KCNJ6: variants seen among roughly 807,000 people sequenced by gnomAD.
KCNJ6 encodes the protein G protein-activated inward rectifier potassium channel 2.
KCNJ6 carries 9 observed loss-of-function variants against 34.2 expected under a neutral mutation model. That is an observed-to-expected ratio of 0.26 (90% CI 0.16 to 0.46). KCNJ6 has a LOEUF of 0.46. KCNJ6 is among the 20% of genes least tolerant of loss of function. KCNJ6 has a pLI of 1.00. For missense variants in KCNJ6, 236 were observed against 531.3 expected (o/e 0.44, Z 5.46); for synonymous variants, 196 against 207.1 (o/e 0.95, Z 0.46).
At chr21:37,866,944 C>A (rs1168532600) in intron 1 of KCNJ6, among the ~76,000 whole-genome samples, 1 of 152,216 alleles carries the variant, frequency 6.6e-6, no homozygotes, top group African/African-American at 2.4e-5. Context: ...TTTTTACAAT[C>A]TCTAAATTGT....
chr21:37,654,105 GTTTTT>G (rs537326162), intron 3 of KCNJ6, among the ~76,000 whole-genome samples: 19 of 122,738 alleles, frequency 1.5e-4, no homozygotes, highest in African/African-American at 4.5e-4. Context: ...CACTTTGTGG[GTTTTT>G]TTTTTTTTTT....
At chr21:37,664,870 C>T (rs1330394809) in intron 3 of KCNJ6, among the ~76,000 whole-genome samples, 2 of 145,274 alleles carry the variant, frequency 1.4e-5, no homozygotes, top group Admixed American at 7.2e-5. Flanking sequence ...AATCTTGGCT[C>T]ACTGCAAGCT....
At position 37,905,386 on chromosome 21, in the gene KCNJ6, G is replaced by A. The variant is rs575609457; in HGVS notation, c.-28+10498C>T. Reference sequence around the variant, plus strand: ...AGCTCATGTACCATGCCGATGCGTGGCGCTCTGATTTCCATGGTGTGGTAG... The same window carrying A: ...AGCTCATGTACCATGCCGATGCGTGACGCTCTGATTTCCATGGTGTGGTAG... On this transcript the variant is annotated intron_variant, in intron 1 of 3. Coordinates refer to ENST00000609713, the MANE Select transcript of KCNJ6 (RefSeq NM_002240.5). 2.6e-5 allele frequency among the ~76,000 whole-genome samples: 4 copies of A among 152,264 alleles called. No individual in the cohort carries two copies. The East Asian group carries it at 7.7e-4, about 29-fold the overall frequency.
intron 3 of KCNJ6, among the ~76,000 whole-genome samples, chr21:37,633,715 C>CAA (rs151197001): frequency 3.3e-5 from 5 of 151,166 alleles, no homozygotes; most frequent in South Asian, 4.2e-4. Flanking sequence ...CCTCTAGCAA[C>CAA]AAAAAAAACC....
intron 3 of KCNJ6, among the ~76,000 whole-genome samples, chr21:37,632,760 C>T (rs2054339673): frequency 6.6e-6 from 1 of 151,986 alleles, no homozygotes; most frequent in Admixed American, 6.6e-5. Context: ...GGACAATTTT[C>T]TAAATCATAT....
intron 2 of KCNJ6, among the ~76,000 whole-genome samples, chr21:37,722,834 T>C (rs35707250): frequency 0.16 from 23,751 of 152,180 alleles, 2,315 homozygotes; most frequent in South Asian, 0.25. Flanking sequence ...ATAAGAATCC[T>C]AGGAGGAAAC....
At chr21:37,733,080 GT>G (rs2054894319) in intron 2 of KCNJ6, among the ~76,000 whole-genome samples, 1 of 152,200 alleles carries the variant, frequency 6.6e-6, no homozygotes, top group Admixed American at 6.5e-5. Context: ...TAGACGTCCT[GT>G]TGTTTAACTT....
At chr21:37,720,634 A>G (rs1324867494) in intron 2 of KCNJ6, among the ~76,000 whole-genome samples, 2 of 152,150 alleles carry the variant, frequency 1.3e-5, no homozygotes, top group African/African-American at 4.8e-5. Flanking sequence ...TTAGTGACAC[A>G]GAAGTGTGGT....
intron 1 of KCNJ6, among the ~76,000 whole-genome samples, chr21:37,878,803 G>A (rs2055692021): frequency 6.6e-6 from 1 of 152,118 alleles, no homozygotes; most frequent in African/African-American, 2.4e-5. Flanking sequence ...AGGGGGACAG[G>A]GGCATGTGAC....
intron 2 of KCNJ6, among the ~76,000 whole-genome samples, chr21:37,785,507 A>G (rs1327747705): frequency 6.6e-6 from 1 of 152,186 alleles, no homozygotes; most frequent in Non-Finnish European, 1.5e-5. Context: ...GGTTTTCATC[A>G]TTGTTACATG....
intron 2 of KCNJ6, among the ~76,000 whole-genome samples, chr21:37,779,256 G>A (rs2055157808): frequency 6.6e-6 from 1 of 152,030 alleles, no homozygotes; most frequent in Admixed American, 6.6e-5. Context: ...ACCTCCTGTG[G>A]TATTACTGGC....
chr21:37,863,564 G>A (rs1437911175), intron 1 of KCNJ6, among the ~76,000 whole-genome samples: 6 of 152,086 alleles, frequency 3.9e-5, no homozygotes, highest in Admixed American at 2.6e-4. Context: ...TTATGCACAG[G>A]GTGTGGTTGA....
chr21:37,811,383 C>T (rs571336390), intron 2 of KCNJ6, among the ~76,000 whole-genome samples: 2 of 152,134 alleles, frequency 1.3e-5, no homozygotes, highest in African/African-American at 4.8e-5. Flanking sequence ...TATAGCCAGT[C>T]AGAGGTATGG....
chr21:37,832,432 G>GCTACAGGATCTACAGAAAT (rs1209804594), intron 2 of KCNJ6, among the ~76,000 whole-genome samples: 2 of 152,080 alleles, frequency 1.3e-5, no homozygotes, highest in Non-Finnish European at 2.9e-5. Flanking sequence ...TCCCAGCCCA[G>GCTACAGGATCTACAGAAAT]CTACAGGATC....
intron 3 of KCNJ6, among the ~76,000 whole-genome samples, chr21:37,649,915 A>G (rs1014436203): frequency 1.3e-4 from 12 of 91,694 alleles, no homozygotes; most frequent in Non-Finnish European, 2.1e-4. Flanking sequence ...CACCACACCC[A>G]GCTAATTTTT....
intron 1 of KCNJ6, among the ~76,000 whole-genome samples, chr21:37,848,498 C>A (rs952892218): frequency 6.6e-6 from 1 of 152,152 alleles, no homozygotes; most frequent in Non-Finnish European, 1.5e-5. Context: ...AGAGCCTTAG[C>A]CTCACCAGAT....
At chr21:37,857,537 A>G (rs1466591200) in intron 1 of KCNJ6, among the ~76,000 whole-genome samples, 1 of 152,256 alleles carries the variant, frequency 6.6e-6, no homozygotes, top group Non-Finnish European at 1.5e-5. Context: ...AACTGTGGAC[A>G]GTGAGCAGCT....
intron 3 of KCNJ6, among the ~76,000 whole-genome samples, chr21:37,655,241 G>A (rs1316310648): frequency 0.012 from 137 of 11,156 alleles, no homozygotes; most frequent in African/African-American, 0.028. Flanking sequence ...GAGAGAGAGA[G>A]AGAGAGAGAG....
intron 1 of KCNJ6, among the ~76,000 whole-genome samples, chr21:37,907,498 C>T (rs1191794989): frequency 6.6e-6 from 1 of 152,162 alleles, no homozygotes; most frequent in Non-Finnish European, 1.5e-5. Flanking sequence ...GAAATACATA[C>T]ACTCCAACCC....
Sources: allele counts gnomAD v4.1 joint callset (sites outside exome capture counted in the v4.1 genomes callset), GRCh38; gene constraint gnomAD v4.1.1; transcripts MANE v1.5; gene names NCBI Gene and HGNC (gene_info 2026-07-23, HGNC 2026-07-21).